CDH8: variants seen among roughly 807,000 people sequenced by gnomAD.
CDH8 encodes the protein cadherin-8.
Under a neutral mutation model 68.1 loss-of-function variants are expected in CDH8, and 17 were observed. That is an observed-to-expected ratio of 0.25 (90% confidence interval 0.17 to 0.37). The LOEUF (loss-of-function observed/expected upper bound fraction) is 0.37, where lower values mean the gene tolerates loss of function less well. Among genes scored for constraint, CDH8 ranks in the 10% least tolerant of loss-of-function variants. The pLI, the probability that CDH8 is intolerant of heterozygous loss-of-function variation, is 1.00. For synonymous variants in CDH8, 372 were observed against 365.1 expected, an observed-to-expected ratio of 1.02 and a Z score of -0.21; for missense variants, 763 against 999.3, an observed-to-expected ratio of 0.76 and a Z score of 3.19.
intron 10 of CDH8, among the ~76,000 whole-genome samples, chr16:61,663,029 A>G (rs1963599241): frequency 1.3e-5 from 2 of 152,038 alleles, no homozygotes; most frequent in African/African-American, 4.8e-5. Context: ...ACTTTTGTAC[A>G]AAAGATCTTC....
At chr16:61,855,544 T>C (rs891039262) in intron 4 of CDH8, among the ~76,000 whole-genome samples, 10 of 152,258 alleles carry the variant, frequency 6.6e-5, no homozygotes, top group African/African-American at 2.2e-4. Flanking sequence ...ACACAGTGAA[T>C]GTGTATAGGT....
chr16:61,913,187 A>T (rs561550561), intron 2 of CDH8, among the ~76,000 whole-genome samples: 123 of 152,174 alleles, frequency 8.1e-4, no homozygotes, highest in Non-Finnish European at 1.4e-3. Flanking sequence ...TATGTTTCAT[A>T]TACACATTAT....
At chr16:61,844,879 G>T (rs1372699747) in intron 4 of CDH8, among the ~76,000 whole-genome samples, 2 of 152,124 alleles carry the variant, frequency 1.3e-5, no homozygotes, top group Non-Finnish European at 1.5e-5. Flanking sequence ...TATGCCATAA[G>T]GGAAAGACTT....
chr16:61,804,075 T>A (rs1372107027), intron 7 of CDH8, among the ~76,000 whole-genome samples: 1 of 133,622 alleles, frequency 7.5e-6, no homozygotes, highest in Non-Finnish European at 1.6e-5. Context: ...GAAGTAAAGC[T>A]CTCCTCAGCA....
intron 10 of CDH8, among the ~76,000 whole-genome samples, chr16:61,684,137 T>G (rs549614896): frequency 1.5e-4 from 23 of 152,148 alleles, no homozygotes; most frequent in Middle Eastern, 6.8e-3. Flanking sequence ...TATATGGGAT[T>G]TTGTAGCTAT....
Position 61,652,174 on chromosome 16 carries a change from C to T in CDH8, c.*1434G>A. ...TCATACATTTTCTACTCCTAAATGG[C>T]AGGTTTGCATTACAAATTAAATATG... On this transcript the variant is annotated 3_prime_UTR_variant, in exon 12 of 12. Coordinates refer to ENST00000577390, the MANE Select transcript of CDH8 (RefSeq NM_001796.5). 1 of 982,598 alleles carries T rather than the reference C, an allele frequency of 1.0e-6. No individual in the cohort carries two copies. Among genetic ancestry groups the T allele is most frequent in the Non-Finnish European group, 1.2e-6 (1 of 827,384 alleles). The allele number at this position is 982,598 out of a possible 1,614,324, so 60.9% of individuals were successfully genotyped here.
At position 61,818,110 on chromosome 16, in the gene CDH8, C is replaced by T. The variant is rs145599265; in HGVS notation, c.1024-378G>A. 18 of 169,672 alleles carry T rather than the reference C, an allele frequency of 1.1e-4. No homozygotes were observed. The East Asian group carries it at 1.4e-3, about 13-fold the overall frequency. The allele number at this position is 169,672 out of a possible 1,614,324, so 10.5% of individuals were successfully genotyped here. A position where few individuals can be genotyped will look rare whatever the true frequency, so the allele number is the denominator to read the frequency against. ...AGGCCTCTGCTGGTGGGAGATAAGG[C>T]GACATCGAACACAATCTCTGTCTGG... On this transcript the variant is annotated intron_variant, in intron 6 of 11. Transcript: ENST00000577390.
intron 2 of CDH8, among the ~76,000 whole-genome samples, chr16:61,921,529 A>G (rs1373212012): frequency 1.3e-5 from 2 of 152,240 alleles, no homozygotes; most frequent in Non-Finnish European, 2.9e-5. Flanking sequence ...GTCCCCGAAC[A>G]GAAACTTCTA....
At chr16:61,891,448 CTG>C in intron 3 of CDH8, among the ~76,000 whole-genome samples, 1 of 152,264 alleles carries the variant, frequency 6.6e-6, no homozygotes, top group South Asian at 2.1e-4. Flanking sequence ...TAACAATTAA[CTG>C]TAACCAATTT....
intron 7 of CDH8, among the ~76,000 whole-genome samples, chr16:61,801,035 T>C (rs576140752): frequency 4.2e-4 from 64 of 152,216 alleles, no homozygotes; most frequent in South Asian, 1.2e-3. Flanking sequence ...ACAAGCATCT[T>C]TGTTTCTCTC....
intron 9 of CDH8, among the ~76,000 whole-genome samples, chr16:61,718,340 C>A (rs1187768285): frequency 6.6e-6 from 1 of 151,376 alleles, no homozygotes; most frequent in African/African-American, 2.4e-5. Context: ...TCTGTTGTAA[C>A]TTTTGGAATA....
chr16:62,014,329 T>G (rs1229605941), intron 2 of CDH8, among the ~76,000 whole-genome samples: 1 of 152,214 alleles, frequency 6.6e-6, no homozygotes. Context: ...CCCCTATTTC[T>G]AAGTCGGAAC....
chr16:61,653,849 TC>T lies in CDH8; in HGVS notation c.2158del (p.Asp720MetfsTer6). 6.2e-7 allele frequency: 1 copy of T among 1,614,230 alleles called. No individual in the cohort carries two copies. Among genetic ancestry groups the T allele is most frequent in the Non-Finnish European group, 8.5e-7 (1 of 1,180,052 alleles). ...QGLAPVPNGV[D>X]VDEFINVRLH... ...CCTTACATTTATAAATTCATCGACA[TC>T]AACACCATTTGGAACTGGAGCAAGC... On this transcript the variant is annotated frameshift_variant, in exon 12 of 12. Transcript: ENST00000577390. LOFTEE classifies it high-confidence loss of function.
At chr16:61,853,235 G>C (rs1788005559) in intron 4 of CDH8, among the ~76,000 whole-genome samples, 1 of 152,066 alleles carries the variant, frequency 6.6e-6, no homozygotes, top group African/African-American at 2.4e-5. Context: ...ATAATTCCAT[G>C]AAGTGAAATG....
chr16:61,780,993 A>C (rs1961036615), intron 8 of CDH8, among the ~76,000 whole-genome samples: 1 of 152,220 alleles, frequency 6.6e-6, no homozygotes, highest in Non-Finnish European at 1.5e-5. Flanking sequence ...ACAGATTTTT[A>C]AGTTTGCAGT....
At position 61,776,727 on chromosome 16, in the gene CDH8, T is replaced by C. The variant is rs991747098; in HGVS notation, c.1414+12619A>G. ...TGAGTTTATATTATGATTAATACTATAAAATTGATATTAGCATTGACATTA... is the reference window on the plus strand; with the variant it reads ...TGAGTTTATATTATGATTAATACTACAAAATTGATATTAGCATTGACATTA... On this transcript the variant is annotated intron_variant, in intron 8 of 11. Transcript: ENST00000577390. 2.0e-4 allele frequency among the ~76,000 whole-genome samples: 30 copies of C among 152,266 alleles called. 1 individual carries two copies. Among genetic ancestry groups the C allele is most frequent in the Non-Finnish European group, 2.2e-4 (15 of 68,004 alleles).
chr16:61,913,380 A>C (rs1047721153), intron 2 of CDH8, among the ~76,000 whole-genome samples: 2 of 152,162 alleles, frequency 1.3e-5, no homozygotes, highest in African/African-American at 4.8e-5. Flanking sequence ...TAGATTATTT[A>C]AAATATACAG....
At chr16:61,779,425 A>ATG (rs10539934) in intron 8 of CDH8, among the ~76,000 whole-genome samples, 14,630 of 138,942 alleles carry the variant, frequency 0.11, 777 homozygotes, top group Admixed American at 0.12. Context: ...ATGTTCGTTT[A>ATG]TGTGTGTGTG....
chr16:61,891,933 GAGAA>G (rs1264178684), intron 3 of CDH8, among the ~76,000 whole-genome samples: 3 of 152,144 alleles, frequency 2.0e-5, no homozygotes, highest in South Asian at 2.1e-4. Context: ...AGCCGAGAGG[GAGAA>G]AGAAAGACAC....
Sources: allele counts gnomAD v4.1 joint callset (sites outside exome capture counted in the v4.1 genomes callset), GRCh38; gene constraint gnomAD v4.1.1; transcripts MANE v1.5; gene names NCBI Gene and HGNC (gene_info 2026-07-23, HGNC 2026-07-21).